PHEX: variants seen among roughly 807,000 people sequenced by gnomAD.
The protein encoded by PHEX is phosphate-regulating neutral endopeptidase PHEX.
PHEX carries 16 observed loss-of-function variants against 68.0 expected under a neutral mutation model. The ratio of observed to expected loss-of-function variants is 0.24; its 90% CI spans 0.16 to 0.36. The LOEUF (loss-of-function observed/expected upper bound fraction) is 0.36. Ranked by LOEUF, PHEX falls within the 10% of genes least tolerant of loss-of-function variation. The pLI, the probability that PHEX is intolerant of heterozygous loss-of-function variation, is 1.00. For synonymous variants in PHEX, 208 were observed against 205.1 expected (o/e 1.01, Z -0.12); for missense variants, 480 against 575.5 (o/e 0.83, Z 1.70).
intron 12 of PHEX, among the ~76,000 whole-genome samples, chrX:22,161,967 G>C: frequency 9.0e-6 from 1 of 111,610 alleles, no homozygotes; most frequent in Non-Finnish European, 1.9e-5. Flanking sequence ...ACTAGGGTAC[G>C]ATGGTATTGC....
chrX:22,247,385 G>A (rs2147216532), intron 21 of PHEX, among the ~76,000 whole-genome samples: 1 of 112,048 alleles, frequency 8.9e-6, no homozygotes, highest in South Asian at 3.8e-4. Context: ...TATGGCAATA[G>A]AAGTCAGAAT....
chrX:22,149,560 C>T (rs1932801163), intron 12 of PHEX, among the ~76,000 whole-genome samples: 1 of 112,257 alleles, frequency 8.9e-6, no homozygotes, highest in African/African-American at 3.2e-5. Context: ...TCGAGACCAG[C>T]CTGGCCAACA....
chrX:22,216,504 T>TGC (rs200014953), intron 16 of PHEX, among the ~76,000 whole-genome samples: 52 of 60,929 alleles, frequency 8.5e-4, no homozygotes, highest in African/African-American at 2.1e-3. Flanking sequence ...TATTTATTTA[T>TGC]TTATTTATTT....
intron 11 of PHEX, among the ~76,000 whole-genome samples, chrX:22,116,148 A>G (rs1392133858): frequency 1.8e-5 from 2 of 111,941 alleles, no homozygotes; most frequent in Admixed American, 1.9e-4. Flanking sequence ...GATCATAGCC[A>G]TCCTAACAGG....
intron 3 of PHEX, among the ~76,000 whole-genome samples, chrX:22,054,987 A>C (rs1236895063): frequency 1.9e-5 from 2 of 107,359 alleles, no homozygotes; most frequent in Non-Finnish European, 3.8e-5. Context: ...CAGCCTGGCC[A>C]ACATGGTGAA....
intron 13 of PHEX, among the ~76,000 whole-genome samples, chrX:22,177,684 A>C (rs1933752884): frequency 8.9e-6 from 1 of 112,315 alleles, no homozygotes; most frequent in Middle Eastern, 4.6e-3. Flanking sequence ...TAGTGACCAG[A>C]GACTTTTTGA....
At chrX:22,105,313 G>A (rs972017790) in intron 9 of PHEX, among the ~76,000 whole-genome samples, 28 of 112,486 alleles carry the variant, frequency 2.5e-4, no homozygotes, top group African/African-American at 6.1e-4. Flanking sequence ...AGAACGATGC[G>A]GAGATGGAGT....
intron 10 of PHEX, among the ~76,000 whole-genome samples, chrX:22,113,838 AG>A (rs1157144577): frequency 6.3e-5 from 7 of 111,036 alleles, no homozygotes; most frequent in African/African-American, 2.3e-4. Flanking sequence ...TGCTGACTGC[AG>A]AAAAGTGATA....
chrX:22,120,058 T>C (rs922438896), intron 11 of PHEX, among the ~76,000 whole-genome samples: 7 of 111,535 alleles, frequency 6.3e-5, no homozygotes, highest in Non-Finnish European at 9.4e-5. Context: ...TCAGGACATA[T>C]TGGTTTTAAA....
chrX:22,245,754 T>G (rs1032597776), intron 21 of PHEX, among the ~76,000 whole-genome samples: 2 of 111,815 alleles, frequency 1.8e-5, no homozygotes, highest in Admixed American at 1.9e-4. Flanking sequence ...TCCCATTATC[T>G]TCTAGTTTTT....
intron 12 of PHEX, among the ~76,000 whole-genome samples, chrX:22,163,722 A>G (rs1247866491): frequency 8.9e-6 from 1 of 111,955 alleles, no homozygotes; most frequent in Non-Finnish European, 1.9e-5. Context: ...CTTTTTGTCC[A>G]TGTAACCAAT....
intron 12 of PHEX, 98 bp from the exon 13 acceptor site, chrX:22,168,214 A>G (rs1933400034): frequency 1.6e-6 from 1 of 645,131 alleles, no homozygotes; most frequent in Admixed American, 2.3e-5. Context: ...TATTCAGTAA[A>G]TGGAGTTTTC....
At chrX:22,073,080 T>C (rs1178848790) in intron 3 of PHEX, among the ~76,000 whole-genome samples, 1 of 111,635 alleles carries the variant, frequency 9.0e-6, no homozygotes, top group African/African-American at 3.3e-5. Context: ...GTTTGTGAAA[T>C]AGTCCTACAC....
intron 11 of PHEX, among the ~76,000 whole-genome samples, chrX:22,132,673 C>T (rs1288306304): frequency 9.0e-6 from 1 of 111,500 alleles, no homozygotes; most frequent in Non-Finnish European, 1.9e-5. Context: ...CTGAAATGCA[C>T]AGCCCATGCC....
At chrX:22,147,472 A>C (rs1266898999) in intron 12 of PHEX, among the ~76,000 whole-genome samples, 3 of 110,628 alleles carry the variant, frequency 2.7e-5, no homozygotes, top group Non-Finnish European at 5.7e-5. Context: ...CATTTCCATT[A>C]ATAACCCCAG....
intron 14 of PHEX, 103 bp from the exon 15 acceptor site, chrX:22,190,340 TC>T (rs1934158010): frequency 6.8e-6 from 4 of 588,306 alleles, no homozygotes; most frequent in Non-Finnish European, 1.2e-5. Context: ...TCCCCATTGT[TC>T]CATGTTATCT....
chrX:22,087,196 TAC>T (rs1306791546), intron 5 of PHEX, among the ~76,000 whole-genome samples: 7 of 112,559 alleles, frequency 6.2e-5, no homozygotes, highest in Non-Finnish European at 9.4e-5. Context: ...TGATAATATC[TAC>T]ACAGTTTCCT....
intron 15 of PHEX, among the ~76,000 whole-genome samples, chrX:22,211,610 G>T (rs759673183): frequency 3.6e-5 from 4 of 112,110 alleles, no homozygotes; most frequent in African/African-American, 1.3e-4. Context: ...CTTAATACAT[G>T]TACATTCTAC....
chrX:22,044,762 G>C (rs1927445889), intron 2 of PHEX, among the ~76,000 whole-genome samples: 1 of 105,097 alleles, frequency 9.5e-6, no homozygotes, highest in Admixed American at 1.0e-4. Context: ...AAAAGTAGCA[G>C]TAATTAAAAA....
Sources: gnomAD v4.1 joint callset for allele counts (sites outside exome capture counted in the v4.1 genomes callset) on GRCh38, gnomAD v4.1.1 for gene constraint, MANE v1.5 for transcripts, NCBI Gene and HGNC (gene_info 2026-07-23, HGNC 2026-07-21) for gene names.